SPDYE10: variants seen among roughly 807,000 people sequenced by gnomAD.
SPDYE10 encodes speedy/RINGO cell cycle regulator family member E10, also known as speedy protein E10.
chr7:73,123,789 CT>C, the SPDYE10 span, among the ~76,000 whole-genome samples: 1,387 of 38,510 alleles, frequency 0.036, 2 homozygotes, highest in Admixed American at 0.071. Context: ...CTCTCTCTCC[CT>C]CTCTCTCTCT....
At chr7:73,135,637 TG>T in the SPDYE10 span, among the ~76,000 whole-genome samples, 2 of 114,122 alleles carry the variant, frequency 1.8e-5, no homozygotes, top group Admixed American at 9.1e-5. Flanking sequence ...GAGATTCTTG[TG>T]CCCCACCACT....
chr7:73,145,199 G>A, the SPDYE10 span, among the ~76,000 whole-genome samples: 3 of 60,744 alleles, frequency 4.9e-5, no homozygotes, highest in African/African-American at 1.5e-4. Flanking sequence ...TCTTTCTTTC[G>A]TCTTTCTTTT....
the SPDYE10 span, among the ~76,000 whole-genome samples, chr7:73,127,925 C>T: frequency 7.3e-6 from 1 of 136,374 alleles, no homozygotes; most frequent in South Asian, 2.7e-4. Context: ...ATTCACCACC[C>T]TCTTATCCCA....
chr7:73,137,514 T>C, the SPDYE10 span, among the ~76,000 whole-genome samples: 1 of 91,362 alleles, frequency 1.1e-5, no homozygotes, highest in Non-Finnish European at 2.1e-5. Context: ...ACAGTGAGAC[T>C]CCAAAAAAAA....
At chr7:73,145,420 T>TA in the SPDYE10 span, among the ~76,000 whole-genome samples, 1 of 144,460 alleles carries the variant, frequency 6.9e-6, no homozygotes, top group Non-Finnish European at 1.5e-5. Context: ...GCTATTTTTT[T>TA]AAAAAAATGT....
chr7:73,127,622 T>C, the SPDYE10 span, among the ~76,000 whole-genome samples: 1 of 70,670 alleles, frequency 1.4e-5, no homozygotes, highest in Non-Finnish European at 2.8e-5. Flanking sequence ...GGGAAGGGAA[T>C]GGAAGGGAAG....
chr7:73,132,606 G>A, the SPDYE10 span, among the ~76,000 whole-genome samples: 5 of 148,210 alleles, frequency 3.4e-5, 1 homozygote, highest in African/African-American at 1.3e-4. Context: ...GGTTCAGTGT[G>A]GCCTCCTGAG....
the SPDYE10 span, among the ~76,000 whole-genome samples, chr7:73,149,948 T>C: frequency 5.8e-5 from 2 of 34,570 alleles, no homozygotes; most frequent in African/African-American, 3.1e-4. Context: ...AGTCAATCAG[T>C]GAAAGACCAG....
At chr7:73,123,729 A>T in the SPDYE10 span, among the ~76,000 whole-genome samples, 1 of 147,968 alleles carries the variant, frequency 6.8e-6, no homozygotes, top group Admixed American at 6.8e-5. Flanking sequence ...AAGTGCTGGG[A>T]TTACAGGCAT....
At chr7:73,150,919 T>A in the SPDYE10 span, among the ~76,000 whole-genome samples, 1 of 19,134 alleles carries the variant, frequency 5.2e-5, no homozygotes, top group Non-Finnish European at 8.7e-5. Context: ...TATATATATA[T>A]ATATATATAT....
the SPDYE10 span, among the ~76,000 whole-genome samples, chr7:73,152,102 C>T: frequency 1.4e-5 from 2 of 145,158 alleles, no homozygotes; most frequent in Non-Finnish European, 3.0e-5. Context: ...GCAACCTCTG[C>T]CTCCCAGGTT....
chr7:73,155,153 C>G, the SPDYE10 span: 3 of 134,390 alleles, frequency 2.2e-5, no homozygotes, highest in African/African-American at 9.0e-5. Context: ...CTGTCGGTGC[C>G]GGCAGGGCGC....
the SPDYE10 span, among the ~76,000 whole-genome samples, chr7:73,116,743 C>A: frequency 6.6e-6 from 1 of 150,974 alleles, no homozygotes; most frequent in Non-Finnish European, 1.5e-5. Flanking sequence ...ACCACCATGC[C>A]TGGCTTCTAT....
chr7:73,137,639 A>AAAGG, the SPDYE10 span, among the ~76,000 whole-genome samples: 5 of 114,274 alleles, frequency 4.4e-5, no homozygotes, highest in Non-Finnish European at 7.4e-5. Context: ...AGAAAGAAAG[A>AAAGG]AAGGAGAAAG....
chr7:73,134,537 A>AAGAAAGAAAGAAAGAAAGAAAAGAAAG, the SPDYE10 span, among the ~76,000 whole-genome samples: 5 of 139,530 alleles, frequency 3.6e-5, no homozygotes, highest in African/African-American at 1.1e-4. Flanking sequence ...GAAAGAAAGA[A>AAGAAAGAAAGAAAGAAAGAAAAGAAAG]AAAGAAAGAA....
At chr7:73,144,919 G>A in the SPDYE10 span, among the ~76,000 whole-genome samples, 1 of 82,046 alleles carries the variant, frequency 1.2e-5, no homozygotes, top group Non-Finnish European at 2.1e-5. Flanking sequence ...GGGAGGCTGA[G>A]GCATGAGAAT....
chr7:73,120,792 A>G, the SPDYE10 span, among the ~76,000 whole-genome samples: 1 of 151,952 alleles, frequency 6.6e-6, no homozygotes, highest in Non-Finnish European at 1.5e-5. Flanking sequence ...TGTCTCAAAA[A>G]AAAAAAAAAA....
At chr7:73,152,367 T>C in the SPDYE10 span, among the ~76,000 whole-genome samples, 2,307 of 142,056 alleles carry the variant, frequency 0.016, no homozygotes, top group African/African-American at 0.059. Context: ...CAGACTTCCC[T>C]TCACCTGTAC....
chr7:73,113,611 C>A, the SPDYE10 span, among the ~76,000 whole-genome samples: 2 of 150,826 alleles, frequency 1.3e-5, no homozygotes, highest in Non-Finnish European at 3.0e-5. Context: ...CTGTGGGTTC[C>A]GGCCAGGCAC....
Sources: allele counts gnomAD v4.1 joint callset (sites outside exome capture counted in the v4.1 genomes callset), GRCh38; gene constraint gnomAD v4.1.1; transcripts MANE v1.5; gene names NCBI Gene and HGNC (gene_info 2026-07-23, HGNC 2026-07-21).